The following GTF2IRD1 variants were observed in gnomAD, a reference collection of about 807,000 sequenced individuals.
GTF2IRD1 encodes the protein general transcription factor II-I repeat domain-containing protein 1.
A neutral mutation model predicts 113.2 loss-of-function variants in GTF2IRD1; 26 were observed. The ratio of observed to expected loss-of-function variants is 0.23; its 90% CI spans 0.17 to 0.32. The LOEUF (loss-of-function observed/expected upper bound fraction) is 0.32. GTF2IRD1 is among the 10% of genes least tolerant of loss of function. The pLI is 1.00. For synonymous variants in GTF2IRD1, 484 were observed against 529.1 expected (o/e 0.91, Z 1.17); for missense variants, 864 against 1,280.8 (o/e 0.67, Z 4.97).
chr7:74,532,237 GATAA>G (rs1798004455), intron 9 of GTF2IRD1, among the ~76,000 whole-genome samples: 1 of 152,144 alleles, frequency 6.6e-6, no homozygotes, highest in East Asian at 1.9e-4. Flanking sequence ...TGTTCTCCCT[GATAA>G]ATAAATAAAA....
At chr7:74,492,886 G>A (rs201852543) in intron 1 of GTF2IRD1, among the ~76,000 whole-genome samples, 34 of 151,912 alleles carry the variant, frequency 2.2e-4, no homozygotes, top group African/African-American at 7.5e-4. Context: ...TCTCTACTTC[G>A]TCTTCACTTG....
intron 1 of GTF2IRD1, among the ~76,000 whole-genome samples, chr7:74,458,423 G>A (rs1793136744): frequency 6.6e-6 from 1 of 151,936 alleles, no homozygotes; most frequent in African/African-American, 2.4e-5. Flanking sequence ...GGCAGGAGGG[G>A]CCTGGCCTCT....
In GTF2IRD1 at chr7:74,555,450, GGGACCCTCTGGT is replaced by G. The variant is rs1235876899; in HGVS notation, c.1984_1995del (p.Pro662_Asp665del). 6.2e-7 allele frequency: 1 copy of G among 1,613,572 alleles called. No individual in the cohort carries two copies. The highest frequency in any genetic ancestry group is 8.5e-7 in the Non-Finnish European group (1 of 1,179,644). ...GCCCTGCCCCCAGAGAGGGATTCCG[GGGACCCTCTGGT>G]GGACGAGAGCCTGAAGAGACAGGGC... On this transcript the variant is annotated inframe_deletion, in exon 19 of 27. Transcript: ENST00000424337. This position sits in a 1 kb window ranked among gnomAD's most constrained non-coding sequence, Gnocchi z 5.3.
At chr7:74,482,617 G>A (rs1794806974) in intron 1 of GTF2IRD1, among the ~76,000 whole-genome samples, 1 of 152,068 alleles carries the variant, frequency 6.6e-6, no homozygotes, top group Non-Finnish European at 1.5e-5. Flanking sequence ...CAGGTAACCA[G>A]CACCCAGATC....
intron 2 of GTF2IRD1, among the ~76,000 whole-genome samples, chr7:74,510,004 T>C (rs953713396): frequency 6.6e-6 from 1 of 152,090 alleles, no homozygotes; most frequent in Non-Finnish European, 1.5e-5. Context: ...AGCGAACTTC[T>C]GGGTACAAAG....
chr7:74,519,900 T>G (rs1797167685), intron 6 of GTF2IRD1, among the ~76,000 whole-genome samples, 181 bp downstream of exon 6: 1 of 151,736 alleles, frequency 6.6e-6, no homozygotes, highest in South Asian at 2.1e-4. Context: ...GGACCTTGGG[T>G]CTCTGCTCAG....
Position 74,518,255 on chromosome 7 carries a change from G to A in GTF2IRD1, c.538G>A (p.Glu180Lys), listed in dbSNP as rs1289261549. ...AGGCCTGGCCTTCCGAAGGCCAGCC[G>A]AGTATGACCCCAAGGCCCTCATGGC... ...PEGLAFRRPA[E>K]YDPKALMAIL... The change falls in exon 5 of 27, where the codon GAG (glutamate) becomes AAG (lysine). Residue 180 changes from glutamate to lysine, a missense_variant. Glu to Lys is a moderately conservative substitution (Grantham distance 56). Transcript: ENST00000424337. 2 of 1,611,986 alleles carry A rather than the reference G, an allele frequency of 1.2e-6. No individual in the cohort carries two copies. The highest frequency in any genetic ancestry group is 1.7e-6 in the Non-Finnish European group (2 of 1,179,332).
chr7:74,518,082 G>T, intron 4 of GTF2IRD1, 57 bp from the exon 5 acceptor site: 2 of 1,306,972 alleles, frequency 1.5e-6, no homozygotes, highest in South Asian at 3.3e-5. Context: ...CAGCAGCCCC[G>T]ACCCCAGCCT....
chr7:74,505,718 G>A (rs1178619520), intron 1 of GTF2IRD1, among the ~76,000 whole-genome samples: 1 of 152,190 alleles, frequency 6.6e-6, no homozygotes, highest in African/African-American at 2.4e-5. Flanking sequence ...GCTTGCAGGG[G>A]ATGGCTTGGG....
intron 1 of GTF2IRD1, among the ~76,000 whole-genome samples, chr7:74,479,926 T>A (rs1325171105): frequency 6.6e-6 from 1 of 151,952 alleles, no homozygotes; most frequent in Non-Finnish European, 1.5e-5. Flanking sequence ...TTTGTATTTT[T>A]AGTAGAGACG....
At chr7:74,499,788 ATGAG>A (rs1216454519) in intron 1 of GTF2IRD1, among the ~76,000 whole-genome samples, 2 of 152,240 alleles carry the variant, frequency 1.3e-5, no homozygotes, top group Non-Finnish European at 2.9e-5. Context: ...ACACCAAGGA[ATGAG>A]TGAGTGAATG....
chr7:74,466,929 G>T (rs1554330973), intron 1 of GTF2IRD1, among the ~76,000 whole-genome samples: 2 of 151,738 alleles, frequency 1.3e-5, no homozygotes, highest in Admixed American at 6.6e-5. Flanking sequence ...GAAGGGTGGG[G>T]GCCTCCTCCA....
intron 12 of GTF2IRD1, among the ~76,000 whole-genome samples, 162 bp from the exon 13 acceptor site, chr7:74,538,517 CT>C (rs1442043219): frequency 4.2e-4 from 64 of 152,326 alleles, no homozygotes; most frequent in African/African-American, 1.5e-3. Context: ...GAGGGCTCCC[CT>C]GACCTCCAAT....
intron 22 of GTF2IRD1, among the ~76,000 whole-genome samples, chr7:74,560,306 C>T (rs1480364642): frequency 2.6e-5 from 4 of 151,860 alleles, no homozygotes; most frequent in South Asian, 2.1e-4. Context: ...AGTGAATAGG[C>T]GAGGTTGGAG....
chr7:74,475,201 G>C (rs1554333275), intron 1 of GTF2IRD1, among the ~76,000 whole-genome samples: 2 of 152,226 alleles, frequency 1.3e-5, no homozygotes, highest in Non-Finnish European at 1.5e-5. Context: ...GCTGCAGTGA[G>C]CTATGATCAC....
At chr7:74,528,711 A>G (rs1032841348) in intron 8 of GTF2IRD1, among the ~76,000 whole-genome samples, 38 of 66,712 alleles carry the variant, frequency 5.7e-4, no homozygotes, top group African/African-American at 1.9e-3. Flanking sequence ...AGATGGGTGG[A>G]TGGATGGATG....
chr7:74,491,311 C>CTTTT (rs1178298791), intron 1 of GTF2IRD1, among the ~76,000 whole-genome samples: 5 of 95,680 alleles, frequency 5.2e-5, no homozygotes, highest in South Asian at 3.9e-4. Flanking sequence ...AAAAAAAATT[C>CTTTT]TTTTTTTTTT....
intron 22 of GTF2IRD1, among the ~76,000 whole-genome samples, chr7:74,562,147 C>G (rs1190753493): frequency 6.6e-6 from 1 of 152,254 alleles, no homozygotes; most frequent in Non-Finnish European, 1.5e-5. Context: ...TTCTCAAACT[C>G]TCCCTCACAC....
At position 74,528,993 on chromosome 7, in the gene GTF2IRD1, G is replaced by A. The variant is rs587727335; in HGVS notation, c.1091-741G>A. 3.3e-5 allele frequency among the ~76,000 whole-genome samples: 5 copies of A among 149,836 alleles called. No individual in the cohort carries two copies. In the South Asian group the frequency reaches 6.4e-4, roughly 19 times the overall value. On this transcript the variant is annotated intron_variant, in intron 8 of 26. Transcript: ENST00000424337. ...TGGATGGATGGATGGATGGATAGACGGATGGATGGATGGATGGATAGACGG... is the reference window on the plus strand; with the variant it reads ...TGGATGGATGGATGGATGGATAGACAGATGGATGGATGGATGGATAGACGG...
Sources: gnomAD v4.1 joint callset for allele counts (sites outside exome capture counted in the v4.1 genomes callset) on GRCh38, gnomAD v4.1.1 for gene constraint, Gnocchi (gnomAD v3.1) non-coding constraint, MANE v1.5 for transcripts, NCBI Gene and HGNC (gene_info 2026-07-23, HGNC 2026-07-21) for gene names.